RUSC1: variants seen among roughly 807,000 people sequenced by gnomAD.
The protein encoded by RUSC1 is RUN and SH3 domain containing 1.
A neutral mutation model predicts 72.1 loss-of-function variants in RUSC1; 40 were observed. The observed-to-expected ratio is 0.55, with a 90% CI of 0.43 to 0.72. The LOEUF is 0.72. RUSC1 is among the 30% of genes least tolerant of loss of function. The pLI is 0.00. For synonymous variants in RUSC1, 512 were observed against 494.2 expected, an observed-to-expected ratio of 1.04 and a Z score of -0.48; for missense variants, 1,092 against 1,172.3, an observed-to-expected ratio of 0.93 and a Z score of 1.00.
chr1:155,324,913 G>C lies in RUSC1; in HGVS notation c.1426G>C (p.Gly476Arg). 6.2e-7 allele frequency: 1 copy of C among 1,614,230 alleles called. No individual in the cohort carries two copies. Among genetic ancestry groups the C allele is most frequent in the Non-Finnish European group, 8.5e-7 (1 of 1,180,036 alleles). ...GCTGTGGATGGCAGAAGCCCAGAGT[G>C]GGACTGGTCAGCTGCAGGAGCAGAA... ...QRLWMAEAQSGTGQLQEQKKG... is the reference protein window; with the variant it reads ...QRLWMAEAQSRTGQLQEQKKG... Residue 476 changes from glycine (G) to arginine (R), a missense_variant, in exon 3 of 10, where the codon GGG becomes CGG. Physicochemically the swap from Gly to Arg is moderately radical, Grantham distance 125. Coordinates refer to ENST00000368352, the MANE Select transcript of RUSC1 (RefSeq NM_001105203.2).
Position 155,322,058 on chromosome 1 carries a change from C to T in RUSC1, c.285C>T (p.Ala95=), listed in dbSNP as rs1282726200. The change falls in exon 2 of 10, where the codon GCC becomes GCT. Residue 95 remains alanine, a synonymous_variant. Coordinates refer to ENST00000368352, the MANE Select transcript of RUSC1 (RefSeq NM_001105203.2). ...QDPSQEEEGA[A]SPSDPGCSSS... ...CGTCACAGGAGGAAGAGGGGGCTGC[C>T]TCTCCCTCAGACCCAGGCTGCTCCT... 1.2e-6 allele frequency: 2 copies of T among 1,613,662 alleles called. No homozygotes were observed. Among genetic ancestry groups the T allele is most frequent in the Non-Finnish European group, 1.7e-6 (2 of 1,179,766 alleles).
chr1:155,322,343 C>T lies in RUSC1; in HGVS notation c.570C>T (p.Asp190=), dbSNP rs751431797. 2.0e-5 allele frequency: 33 copies of T among 1,612,676 alleles called. No homozygotes were observed. Among genetic ancestry groups the T allele is most frequent in the African/African-American group, 1.3e-5 (1 of 74,902 alleles). ...GCAACGCCCTGACCACCTGCCAGGA[C>T]GTCCCTTCCCCAGGCTTGGAGGAAG... The part of the protein sequence containing the change: ...SNCNALTTCQ[D]VPSPGLEEED... Residue 190 remains aspartate (D), a synonymous_variant, in exon 2 of 10, where the codon GAC becomes GAT. Coordinates refer to ENST00000368352, the MANE Select transcript of RUSC1 (RefSeq NM_001105203.2).
rs1301470439 is a variant in RUSC1, at chr1:155,325,378, C to T, written c.1596C>T (p.Cys532=). The T allele has an allele frequency of 6.3e-7, 1 of 1,595,074 alleles. No homozygotes were observed. Among genetic ancestry groups the T allele is most frequent in the Non-Finnish European group, 8.5e-7 (1 of 1,175,048 alleles). The change falls in exon 5 of 10, where the codon TGC becomes TGT. Residue 532 remains cysteine, a synonymous_variant. Transcript: ENST00000368352. The surrounding 1 kb of genome is among the most constrained non-coding windows in gnomAD (Gnocchi z 6.5). ...DVGHLVLTTL[C]PALHALVADG... ...GGCACCTGGTGCTGACCACCCTCTGCCCGGCCCTCCACGCCCTGGTGGCGG... is the reference window on the plus strand; with the variant it reads ...GGCACCTGGTGCTGACCACCCTCTGTCCGGCCCTCCACGCCCTGGTGGCGG...
In RUSC1 at chr1:155,322,855, C is replaced by T. The variant is rs1403089135; in HGVS notation, c.1082C>T (p.Ser361Phe). Residue 361 changes from serine to phenylalanine, a missense_variant, in exon 2 of 10, where the codon TCC (serine) becomes TTC (phenylalanine). By Grantham distance (155) the Ser-to-Phe change is radical. Coordinates refer to ENST00000368352, the MANE Select transcript of RUSC1 (RefSeq NM_001105203.2). ...CCCCCCTCGGGGTCGCCGGGCGGCT[C>T]CTCGGCACCTCCTCGGGAAGTCACC... ...ELPPSGSPGG[S>F]SAPPREVTTF... The T allele has an allele frequency of 1.2e-6, 2 of 1,613,116 alleles. No individual in the cohort carries two copies. The highest frequency in any genetic ancestry group is 2.7e-5 in the African/African-American group (2 of 74,906).
chr1:155,322,202 G>A lies in RUSC1; in HGVS notation c.429G>A (p.Gln143=). 1 of 1,609,726 alleles carries A rather than the reference G, an allele frequency of 6.2e-7. No homozygotes were observed. The highest frequency in any genetic ancestry group is 8.5e-7 in the Non-Finnish European group (1 of 1,177,132). ...HPQPSIIPLE[Q]GSPLASAGPG... ...AGCCCAGTATCATCCCCCTGGAGCA[G>A]GGCTCCCCACTGGCTTCAGCAGGCC... Residue 143 remains glutamine (Q), a synonymous_variant, in exon 2 of 10, where the codon CAG becomes CAA. Transcript: ENST00000368352.
chr1:155,322,277 C>T lies in RUSC1; in HGVS notation c.504C>T (p.Ser168=), dbSNP rs1418985268. 3 of 1,611,942 alleles carry T rather than the reference C, an allele frequency of 1.9e-6. No individual in the cohort carries two copies. The highest frequency in any genetic ancestry group is 1.1e-5 in the South Asian group (1 of 90,924). ...TCTGCTGCTCTCCTGATTCCTGCTC[C>T]GGAGCTTCTTCTTCACCCGATCCTG... ...DSFCCSPDSC[S]GASSSPDPGL... Residue 168 remains serine, a synonymous_variant, in exon 2 of 10, where the codon TCC becomes TCT. Coordinates refer to ENST00000368352, the MANE Select transcript of RUSC1 (RefSeq NM_001105203.2).
chr1:155,330,165 A>C (rs556159151), intron 9 of RUSC1, among the ~76,000 whole-genome samples: 2 of 152,148 alleles, frequency 1.3e-5, no homozygotes, highest in East Asian at 1.9e-4. Flanking sequence ...GTTGAATTTG[A>C]AGCACCATTG....
rs1650395947 is a variant in RUSC1, at chr1:155,321,139, G to C, written c.-87+148G>C. 3 of 1,378,768 alleles carry C rather than the reference G, an allele frequency of 2.2e-6. No homozygotes were observed. The Admixed American group carries it at 5.7e-5, about 26-fold the overall frequency. The allele number at this position is 1,378,768 out of a possible 1,614,324, so 85.4% of individuals were successfully genotyped here. ...ATGCGGAGAGAATGGACATACCGCT[G>C]TTCCGAGGGGCGAGGGCGCAGGCTG... On this transcript the variant is annotated intron_variant, in intron 1 of 9. Transcript: ENST00000368352.
Position 155,326,344 on chromosome 1 carries a change from G to C in RUSC1, c.1862-236G>C. 1 of 580,834 alleles carries C rather than the reference G, an allele frequency of 1.7e-6. No individual in the cohort carries two copies. Among genetic ancestry groups the C allele is most frequent in the Non-Finnish European group, 3.1e-6 (1 of 327,602 alleles). The allele number at this position is 580,834 out of a possible 1,614,324, so 36.0% of individuals were successfully genotyped here. ...GGCTCTCCTGTCCTCCTCCTCTGTA[G>C]CCTTTGCACTGTCTCTGTTACTTGT... On this transcript the variant is annotated intron_variant, in intron 7 of 9. Transcript: ENST00000368352. This position sits in a 1 kb window ranked among gnomAD's most constrained non-coding sequence, Gnocchi z 4.7.
At chr1:155,324,823 C>T (rs764323796) in intron 2 of RUSC1, 22 bp from the exon 3 acceptor site, 9 of 1,614,126 alleles carry the variant, frequency 5.6e-6, no homozygotes, top group African/African-American at 1.3e-5. Context: ...AGTGTTACCG[C>T]GCCCTTCTTC....
Position 155,322,483 on chromosome 1 carries a change from T to C in RUSC1, c.710T>C (p.Ile237Thr), listed in dbSNP as rs1372633967. The change falls in exon 2 of 10, where the codon ATT (isoleucine) becomes ACT (threonine). Residue 237 changes from isoleucine to threonine, a missense_variant. Transcript: ENST00000368352. The stretch of plus-strand genomic sequence containing the variant: ...TGGAAGATTAACCCAATTTGGAAAA[T>C]TGACACAGAGAAAACTAAAGCTGAA... ...PSWKINPIWK[I>T]DTEKTKAEWK... 5.6e-6 allele frequency: 9 copies of C among 1,613,096 alleles called. No individual in the cohort carries two copies. Among genetic ancestry groups the C allele is most frequent in the South Asian group, 3.3e-5 (3 of 90,986 alleles).
chr1:155,322,094 C>T lies in RUSC1; in HGVS notation c.321C>T (p.Ser107=). 1.2e-6 allele frequency: 2 copies of T among 1,613,698 alleles called. No individual in the cohort carries two copies. Among genetic ancestry groups the T allele is most frequent in the Non-Finnish European group, 1.7e-6 (2 of 1,179,704 alleles). ...PSDPGCSSSL[S]SCSDLSPDES... Reference sequence around the variant, plus strand: ...ACCCAGGCTGCTCCTCCTCACTCAGCTCCTGCTCAGATCTTAGCCCCGATG... The same window carrying T: ...ACCCAGGCTGCTCCTCCTCACTCAGTTCCTGCTCAGATCTTAGCCCCGATG... Residue 107 remains serine (S), a synonymous_variant, in exon 2 of 10, where the codon AGC becomes AGT. Transcript: ENST00000368352.
In RUSC1 at chr1:155,325,445, C is replaced by CT. The variant is rs1280224729; in HGVS notation, c.1663_1664insT (p.Arg555LeufsTer27). 1.3e-6 allele frequency: 2 copies of CT among 1,592,366 alleles called. No homozygotes were observed. Among genetic ancestry groups the CT allele is most frequent in the South Asian group, 2.2e-5 (2 of 89,482 alleles). ...CCGGAAGGACCTCATCACCGGGCAGCGCAGGAGCAGCCCCTGGAGCGTGGT... is the reference window on the plus strand; with the variant it reads ...CCGGAAGGACCTCATCACCGGGCAGCTGCAGGAGCAGCCCCTGGAGCGTGGT... On this transcript the variant is annotated frameshift_variant, in exon 5 of 10. Coordinates refer to ENST00000368352, the MANE Select transcript of RUSC1 (RefSeq NM_001105203.2). LOFTEE classifies it high-confidence loss of function. The surrounding 1 kb of genome is among the most constrained non-coding windows in gnomAD (Gnocchi z 6.5).
chr1:155,323,029 C>T lies in RUSC1; in HGVS notation c.1256C>T (p.Pro419Leu). ...RRKKNRPGLQ[P>L]IAEGQSEEGR... ...AAGAAGAACCGACCTGGACTGCAGC[C>T]CATAGCGGAGGGGCAGTCCGAGGAG... Residue 419 changes from proline (P) to leucine (L), a missense_variant, in exon 2 of 10, where the codon CCC becomes CTC. Transcript: ENST00000368352. 6.8e-7 allele frequency: 1 copy of T among 1,476,488 alleles called. No homozygotes were observed. Among genetic ancestry groups the T allele is most frequent in the Non-Finnish European group, 9.0e-7 (1 of 1,111,570 alleles). The allele number at this position is 1,476,488 out of a possible 1,614,324, so 91.5% of individuals were successfully genotyped here.
chr1:155,326,982 C>T lies in RUSC1; in HGVS notation c.2264C>T (p.Pro755Leu), dbSNP rs766674703. 34 of 1,613,526 alleles carry T rather than the reference C, an allele frequency of 2.1e-5. No individual in the cohort carries two copies. The East Asian group carries it at 2.5e-4, about 12-fold the overall frequency. Residue 755 changes from proline (P) to leucine (L), a missense_variant, in exon 8 of 10, where the codon CCG (proline) becomes CTG (leucine). Pro to Leu is a moderately conservative substitution (Grantham distance 98). Transcript: ENST00000368352. The surrounding 1 kb of genome is among the most constrained non-coding windows in gnomAD (Gnocchi z 4.7). ...TEGFPLSRWA[P>L]GRHGTAAEEG... ...GGCTTTCCTCTTTCCCGATGGGCAC[C>T]GGGGCGTCATGGGACTGCAGCTGAA...
At chr1:155,321,557 T>C (rs1650515146) in intron 1 of RUSC1, 131 bp from the exon 2 acceptor site, 2 of 1,326,808 alleles carry the variant, frequency 1.5e-6, no homozygotes, top group African/African-American at 3.0e-5. Flanking sequence ...TCGATTGCGA[T>C]TTGCATCTCA....
intron 2 of RUSC1, chr1:155,324,537 G>A: frequency 6.3e-7 from 1 of 1,593,670 alleles, no homozygotes; most frequent in South Asian, 1.1e-5. Context: ...TAGCAGGGCA[G>A]GCGGGAGGTG....
At chr1:155,328,668 C>T (rs1163273943) in intron 9 of RUSC1, among the ~76,000 whole-genome samples, 1 of 151,918 alleles carries the variant, frequency 6.6e-6, no homozygotes, top group Non-Finnish European at 1.5e-5. Flanking sequence ...GGCATGATCT[C>T]GGCTCACTGC....
At position 155,322,537 on chromosome 1, in the gene RUSC1, G is replaced by T. The variant is rs757377750; in HGVS notation, c.764G>T (p.Gly255Val). The change falls in exon 2 of 10, where the codon GGT (glycine) becomes GTT (valine). Residue 255 changes from glycine to valine, a missense_variant. Transcript: ENST00000368352. The stretch of plus-strand genomic sequence containing the variant: ...AAAACCACTGAAAACAATAACACTG[G>T]TTGGAAAAACAACGGGAATGTTAAC... ...EWKTTENNNT[G>V]WKNNGNVNSS... is the part of the protein sequence containing the mutation. 1 of 1,614,146 alleles carries T rather than the reference G, an allele frequency of 6.2e-7. No homozygotes were observed. The highest frequency in any genetic ancestry group is 1.1e-5 in the South Asian group (1 of 91,078).
Sources: allele counts gnomAD v4.1 joint callset (sites outside exome capture counted in the v4.1 genomes callset), GRCh38; gene constraint gnomAD v4.1.1; non-coding constraint Gnocchi (gnomAD v3.1); transcripts MANE v1.5; gene names NCBI Gene and HGNC (gene_info 2026-07-23, HGNC 2026-07-21).